The following PTCHD4 variants were observed in gnomAD, a reference collection of about 807,000 sequenced individuals.
PTCHD4 encodes patched domain-containing protein 4.
PTCHD4 carries 33 observed loss-of-function variants against 58.1 expected under a neutral mutation model. That is an observed-to-expected ratio of 0.57 (90% CI 0.43 to 0.76). The LOEUF (loss-of-function observed/expected upper bound fraction) is 0.76, where lower values mean the gene tolerates loss of function less well. Ranked by LOEUF, PTCHD4 falls within the 30% of genes least tolerant of loss-of-function variation. PTCHD4 has a pLI of 0.00. For missense variants in PTCHD4, 1,058 were observed against 1,027.1 expected (o/e 1.03, Z -0.41); for synonymous variants, 478 against 409.6 (o/e 1.17, Z -2.02).
chr6:47,915,300 T>C (rs2113874383), intron 4 of PTCHD4, among the ~76,000 whole-genome samples: 1 of 152,290 alleles, frequency 6.6e-6, no homozygotes, highest in South Asian at 2.1e-4. Context: ...GCTAGGTATG[T>C]TGATTTATGT....
intron 4 of PTCHD4, among the ~76,000 whole-genome samples, chr6:47,986,981 G>A (rs988548): frequency 0.27 from 40,636 of 151,616 alleles, 5,561 homozygotes; most frequent in South Asian, 0.35. Flanking sequence ...AACTTCTCAT[G>A]GTGGCAAAAC....
intron 3 of PTCHD4, among the ~76,000 whole-genome samples, chr6:48,017,431 T>C (rs1762905826): frequency 1.3e-5 from 2 of 152,208 alleles, no homozygotes; most frequent in South Asian, 4.1e-4. Flanking sequence ...GTAGTTCACA[T>C]GTTTTTCAAA....
chr6:47,926,970 G>A (rs552066073), intron 4 of PTCHD4, among the ~76,000 whole-genome samples: 2 of 152,312 alleles, frequency 1.3e-5, no homozygotes, highest in African/African-American at 4.8e-5. Context: ...GAGGCCAGTA[G>A]CATTGTCTGA....
At chr6:48,016,578 A>G (rs1762875810) in intron 3 of PTCHD4, among the ~76,000 whole-genome samples, 1 of 151,778 alleles carries the variant, frequency 6.6e-6, no homozygotes, top group South Asian at 2.1e-4. Flanking sequence ...ATGCTATCTC[A>G]CGGCCATAAA....
chr6:48,063,882 T>A (rs1243326834), intron 3 of PTCHD4, among the ~76,000 whole-genome samples: 1 of 152,176 alleles, frequency 6.6e-6, no homozygotes, highest in African/African-American at 2.4e-5. Flanking sequence ...TGGTCCTCAC[T>A]TTTCATGTTG....
chr6:48,093,354 T>G (rs1765402957), intron 1 of PTCHD4, among the ~76,000 whole-genome samples: 1 of 152,120 alleles, frequency 6.6e-6, no homozygotes, highest in East Asian at 1.9e-4. Context: ...GGTGAATCAC[T>G]CCAAGCCATA....
chr6:47,946,484 T>TC (rs1766423531), intron 4 of PTCHD4, among the ~76,000 whole-genome samples: 1 of 152,130 alleles, frequency 6.6e-6, no homozygotes, highest in South Asian at 2.1e-4. Context: ...TGTCTTTTGT[T>TC]CCCCCAATAT....
At chr6:48,082,410 T>C (rs1287498004) in intron 1 of PTCHD4, among the ~76,000 whole-genome samples, 1 of 152,216 alleles carries the variant, frequency 6.6e-6, no homozygotes, top group Non-Finnish European at 1.5e-5. Flanking sequence ...ATCTGTGAAC[T>C]GGAATAATTT....
In PTCHD4 at chr6:47,974,253, A is replaced by G. The variant is rs186652352; in HGVS notation, c.898+34381T>C. ...TTCATCTCATTTTAGCAGCAGGGAA[A>G]TGGCTAACCTTTCGTATGTCCTTTG... is the stretch of plus-strand genomic sequence containing the variant. On this transcript the variant is annotated intron_variant, in intron 4 of 4. Transcript: ENST00000339488. Among the ~76,000 whole-genome samples, 258 of 152,316 alleles carry G rather than the reference A, an allele frequency of 1.7e-3. 1 individual carries two copies. The highest frequency in any genetic ancestry group is 7.1e-3 in the South Asian group (34 of 4,822).
rs549362318 is a variant in PTCHD4 at position 47,878,702 on chromosome 6, A to G, written c.2133T>C (p.Ser711=). Residue 711 remains serine (S), a synonymous_variant, in exon 5 of 5, where the codon TCT becomes TCC. Transcript: ENST00000339488. ...TLWNVDMDCI[S]ILCLIYTLNF... is the part of the protein sequence containing the mutation. Reference sequence around the variant, plus strand: ...TCAAGGTGTAGATAAGGCACAAGATAGAAATGCAATCCATGTCGACGTTCC... The same window carrying G: ...TCAAGGTGTAGATAAGGCACAAGATGGAAATGCAATCCATGTCGACGTTCC... The G allele has an allele frequency of 1.9e-6, 3 of 1,613,432 alleles. No individual in the cohort carries two copies. Among genetic ancestry groups the G allele is most frequent in the Admixed American group, 1.7e-5 (1 of 59,884 alleles).
chr6:48,050,043 A>G (rs1764175203), intron 3 of PTCHD4, among the ~76,000 whole-genome samples: 1 of 151,980 alleles, frequency 6.6e-6, no homozygotes, highest in African/African-American at 2.4e-5. Context: ...ACTAGGTATC[A>G]ACATGGCTTA....
chr6:47,987,685 C>T (rs755617377), intron 4 of PTCHD4, among the ~76,000 whole-genome samples: 3 of 152,104 alleles, frequency 2.0e-5, no homozygotes, highest in Non-Finnish European at 2.9e-5. Flanking sequence ...TATTGAGATA[C>T]CTTCTCCAAT....
chr6:48,102,967 G>T (rs1765639931), intron 1 of PTCHD4, among the ~76,000 whole-genome samples: 1 of 152,222 alleles, frequency 6.6e-6, no homozygotes, highest in Non-Finnish European at 1.5e-5. Flanking sequence ...AGCTCAAACT[G>T]GGTGGAGCCC....
intron 4 of PTCHD4, among the ~76,000 whole-genome samples, chr6:47,916,567 G>T (rs1194977895): frequency 6.6e-6 from 1 of 151,984 alleles, no homozygotes; most frequent in Non-Finnish European, 1.5e-5. Context: ...CCTAGAAAAG[G>T]GGGGCAGAAG....
intron 1 of PTCHD4, among the ~76,000 whole-genome samples, chr6:48,085,384 T>C (rs1348704056): frequency 1.3e-5 from 2 of 152,208 alleles, no homozygotes; most frequent in African/African-American, 4.8e-5. Flanking sequence ...TAGAACATTC[T>C]CACATATAAG....
At chr6:48,047,581 T>G (rs976912718) in intron 3 of PTCHD4, among the ~76,000 whole-genome samples, 4 of 151,836 alleles carry the variant, frequency 2.6e-5, no homozygotes, top group African/African-American at 9.7e-5. Flanking sequence ...TATGGACTGT[T>G]TATCTCTCCC....
At chr6:48,102,555 T>G (rs1765627963) in intron 1 of PTCHD4, among the ~76,000 whole-genome samples, 1 of 152,146 alleles carries the variant, frequency 6.6e-6, no homozygotes, top group Admixed American at 6.5e-5. Context: ...GACGGGTGAT[T>G]TCTGCATTTC....
chr6:48,009,492 T>A (rs1582014114), intron 3 of PTCHD4, among the ~76,000 whole-genome samples: 1 of 152,326 alleles, frequency 6.6e-6, no homozygotes, highest in East Asian at 1.9e-4. Context: ...AAAGTAAAGC[T>A]TGCCATGAAT....
chr6:48,082,017 G>A (rs990344063), intron 1 of PTCHD4, among the ~76,000 whole-genome samples: 1 of 152,190 alleles, frequency 6.6e-6, no homozygotes, highest in Non-Finnish European at 1.5e-5. Context: ...AGGCTGTTGA[G>A]TGGAAAAATT....
Sources: gnomAD v4.1 joint callset for allele counts (sites outside exome capture counted in the v4.1 genomes callset) on GRCh38, gnomAD v4.1.1 for gene constraint, MANE v1.5 for transcripts, NCBI Gene and HGNC (gene_info 2026-07-23, HGNC 2026-07-21) for gene names.